The following CCDC88A variants were observed in gnomAD, a reference collection of about 807,000 sequenced individuals.
CCDC88A encodes girdin.
A neutral mutation model predicts 234.3 loss-of-function variants in CCDC88A; 54 were observed. The observed-to-expected ratio is 0.23, with a 90% CI of 0.19 to 0.29. The LOEUF (loss-of-function observed/expected upper bound fraction) is 0.29. CCDC88A is among the 10% of genes least tolerant of loss of function. The pLI, the probability that CCDC88A is intolerant of heterozygous loss-of-function variation, is 1.00. For missense variants in CCDC88A, 1,832 were observed against 2,123.4 expected, an observed-to-expected ratio of 0.86 and a Z score of 2.70; for synonymous variants, 753 against 737.8, an observed-to-expected ratio of 1.02 and a Z score of -0.33.
In CCDC88A at chr2:55,332,548, A is replaced by G; in HGVS notation, c.2855+18T>C. On this transcript the variant is annotated intron_variant, in intron 16 of 32. Transcript: ENST00000436346. The surrounding 1 kb of genome is among the most constrained non-coding windows in gnomAD (Gnocchi z 4.5). ...AAAAAAAATTTTCAACTGTTTGCCA[A>G]GTAGACTTAGTACTCACCTGTCATC... 1.3e-6 allele frequency: 2 copies of G among 1,591,210 alleles called. No homozygotes were observed. Among genetic ancestry groups the G allele is most frequent in the Non-Finnish European group, 1.7e-6 (2 of 1,172,350 alleles).
At position 55,322,477 on chromosome 2, in the gene CCDC88A, A is replaced by T. The variant is rs1283793561; in HGVS notation, c.3162+51T>A. ...GTATCTAAGATAAATATATCCAGTG[A>T]TCCTCTATTTCTAAAAAAAACTATT... On this transcript the variant is annotated intron_variant, in intron 18 of 32. Transcript: ENST00000436346. 3 of 1,027,242 alleles carry T rather than the reference A, an allele frequency of 2.9e-6. No homozygotes were observed. In the Admixed American group the frequency reaches 6.8e-5, roughly 23 times the overall value. 63.6% of individuals were successfully genotyped at this position (1,027,242 alleles called of 1,614,324 possible). A position where few individuals can be genotyped will look rare whatever the true frequency, so the allele number is the denominator to read the frequency against.
At chr2:55,414,056 A>G (rs1445018658) in intron 2 of CCDC88A, among the ~76,000 whole-genome samples, 1 of 152,172 alleles carries the variant, frequency 6.6e-6, no homozygotes, top group Non-Finnish European at 1.5e-5. Context: ...AGGAAAAGCC[A>G]TAACAAGTTT....
intron 2 of CCDC88A, among the ~76,000 whole-genome samples, chr2:55,389,780 C>G (rs1676297532): frequency 6.6e-6 from 1 of 151,894 alleles, no homozygotes; most frequent in African/African-American, 2.4e-5. Context: ...GTGACTCACG[C>G]CTATAATCCC....
chr2:55,332,094 T>C lies in CCDC88A; in HGVS notation c.2855+472A>G, dbSNP rs1684978790. On this transcript the variant is annotated intron_variant, in intron 16 of 32. Transcript: ENST00000436346. The surrounding 1 kb of genome is among the most constrained non-coding windows in gnomAD (Gnocchi z 4.5). ...TATATCTATATTAGATTGTCTATGA[T>C]TCCTCTTTTCTCCTTACAGAACTTT... The C allele has an allele frequency of 1.3e-5, 2 of 152,762 alleles. No individual in the cohort carries two copies. The highest frequency in any genetic ancestry group is 4.8e-5 in the African/African-American group (2 of 41,450). 9.5% of individuals were successfully genotyped at this position (152,762 alleles called of 1,614,324 possible).
Position 55,339,614 on chromosome 2 carries a change from C to T in CCDC88A, c.1368G>A (p.Glu456=). Reference sequence around the variant, plus strand: ...GCTTCAATAATCTACTTGATGTCAACTCATTCACCTCATGGCCCAGGGATT... The same window carrying T: ...GCTTCAATAATCTACTTGATGTCAATTCATTCACCTCATGGCCCAGGGATT... ...PQKSLGHEVN[E]LTSSRLLKLE... is the part of the protein sequence containing the mutation. Residue 456 remains glutamate (E), a synonymous_variant, in exon 13 of 33, where the codon GAG becomes GAA. Coordinates refer to ENST00000436346, the MANE Select transcript of CCDC88A (RefSeq NM_001365480.1). The T allele has an allele frequency of 6.2e-7, 1 of 1,611,604 alleles. No homozygotes were observed. Among genetic ancestry groups the T allele is most frequent in the Non-Finnish European group, 8.5e-7 (1 of 1,179,256 alleles).
At chr2:55,377,120 C>A (rs965554679) in intron 3 of CCDC88A, among the ~76,000 whole-genome samples, 11 of 152,192 alleles carry the variant, frequency 7.2e-5, no homozygotes, top group African/African-American at 2.4e-4. Flanking sequence ...GCATGAGCCA[C>A]CGTGCCCGGA....
At chr2:55,299,282 G>C (rs1435739217) in intron 29 of CCDC88A, among the ~76,000 whole-genome samples, 1 of 152,106 alleles carries the variant, frequency 6.6e-6, no homozygotes, top group African/African-American at 2.4e-5. Flanking sequence ...AAGGTTTCCA[G>C]ACATTTACTT....
intron 5 of CCDC88A, among the ~76,000 whole-genome samples, chr2:55,370,365 G>A (rs1256736478): frequency 1.3e-5 from 2 of 152,008 alleles, no homozygotes; most frequent in African/African-American, 4.8e-5. Context: ...AATTAGGCCG[G>A]GCATGATGAC....
chr2:55,371,626 T>G (rs1334918468), intron 5 of CCDC88A, among the ~76,000 whole-genome samples: 7 of 152,090 alleles, frequency 4.6e-5, no homozygotes, highest in Admixed American at 3.9e-4. Context: ...ACAGTCCCAG[T>G]TTACACATGC....
Position 55,419,194 on chromosome 2 carries a change from A to G in CCDC88A, c.-115T>C. The G allele has an allele frequency of 1.5e-6, 1 of 688,352 alleles. No individual in the cohort carries two copies. The allele number at this position is 688,352 out of a possible 1,614,324, so 42.6% of individuals were successfully genotyped here. On this transcript the variant is annotated 5_prime_UTR_variant, in exon 1 of 33. Coordinates refer to ENST00000436346, the MANE Select transcript of CCDC88A (RefSeq NM_001365480.1). ...GAAAGTCCATTTCGGCAAGGGAGAA[A>G]AATCCCATCGTGGAGGAGGGGGGCA...
At chr2:55,351,467 C>T (rs1359701696) in intron 8 of CCDC88A, among the ~76,000 whole-genome samples, 1 of 152,062 alleles carries the variant, frequency 6.6e-6, no homozygotes, top group African/African-American at 2.4e-5. Context: ...CTGCCTCAAG[C>T]TCCCACGTAG....
At chr2:55,395,337 T>C (rs1258367141) in intron 2 of CCDC88A, among the ~76,000 whole-genome samples, 3 of 152,204 alleles carry the variant, frequency 2.0e-5, no homozygotes. Flanking sequence ...TATGTTAATG[T>C]AGTGAGTTAC....
chr2:55,374,451 A>G (rs1229777440), intron 4 of CCDC88A, among the ~76,000 whole-genome samples: 1 of 152,212 alleles, frequency 6.6e-6, no homozygotes, highest in Non-Finnish European at 1.5e-5. Context: ...GATAGTAGAT[A>G]TATGAATAGA....
intron 16 of CCDC88A, among the ~76,000 whole-genome samples, chr2:55,330,903 A>C (rs998799901): frequency 1.3e-5 from 2 of 152,212 alleles, no homozygotes; most frequent in Non-Finnish European, 2.9e-5. Flanking sequence ...TCTACATGGA[A>C]TGCCCTTTCC....
chr2:55,349,369 A>G, intron 9 of CCDC88A, 149 bp downstream of exon 9: 1 of 604,904 alleles, frequency 1.7e-6, no homozygotes, highest in Non-Finnish European at 2.9e-6. Flanking sequence ...TTGAAGAGAG[A>G]GACTCTGAAA....
rs754621342 is a variant in CCDC88A, at chr2:55,310,936, G to GT, written c.4079+1497dup. 6.6e-5 allele frequency among the ~76,000 whole-genome samples: 10 copies of GT among 152,126 alleles called. No individual in the cohort carries two copies. The East Asian group carries it at 1.9e-3, about 29-fold the overall frequency. Reference sequence around the variant, plus strand: ...TCCACTGCCATCCTGCTAGGACCACGTAACAAAGGCATTTAGCTAGAAATA... The same window carrying GT: ...TCCACTGCCATCCTGCTAGGACCACGTTAACAAAGGCATTTAGCTAGAAATA... On this transcript the variant is annotated intron_variant, in intron 23 of 32. Transcript: ENST00000436346.
chr2:55,326,189 GGATTTTTTTAA>G (rs1684241680), intron 17 of CCDC88A, among the ~76,000 whole-genome samples: 1 of 149,056 alleles, frequency 6.7e-6, no homozygotes, highest in Non-Finnish European at 1.5e-5. Flanking sequence ...TTTGCCTTTT[GGATTTTTTTAA>G]GAGACAGGAT....
At position 55,408,449 on chromosome 2, in the gene CCDC88A, C is replaced by G. The variant is rs370827750; in HGVS notation, c.164+10367G>C. 8.5e-5 allele frequency among the ~76,000 whole-genome samples: 13 copies of G among 152,194 alleles called. No homozygotes were observed. The East Asian group carries it at 1.5e-3, about 18-fold the overall frequency. ...TAAGAGGTTGGCACAAGATACAGGT[C>G]ATAAAGACCACGCTGACAAAACAGG... On this transcript the variant is annotated intron_variant, in intron 2 of 32. Coordinates refer to ENST00000436346, the MANE Select transcript of CCDC88A (RefSeq NM_001365480.1).
chr2:55,395,266 C>T (rs1487463287), intron 2 of CCDC88A, among the ~76,000 whole-genome samples: 1 of 152,242 alleles, frequency 6.6e-6, no homozygotes. Context: ...GCACAAGCCA[C>T]AGCACACCTG....
Sources: gnomAD v4.1 joint callset for allele counts (sites outside exome capture counted in the v4.1 genomes callset) on GRCh38, gnomAD v4.1.1 for gene constraint, Gnocchi (gnomAD v3.1) non-coding constraint, MANE v1.5 for transcripts, NCBI Gene and HGNC (gene_info 2026-07-23, HGNC 2026-07-21) for gene names.